Variants in BCAS3 observed in about 807,000 individuals in gnomAD.
The protein encoded by BCAS3 is BCAS4/BCAS3 fusion.
Under a neutral mutation model 116.1 loss-of-function variants are expected in BCAS3, and 53 were observed. The observed-to-expected ratio is 0.46, with a 90% CI of 0.37 to 0.57. The LOEUF is 0.57. Ranked by LOEUF, BCAS3 falls within the 20% of genes least tolerant of loss-of-function variation. The probability of loss-of-function intolerance (pLI) is 0.00; values close to 1 mark genes in which losing one functional copy is unlikely to be tolerated. For synonymous variants in BCAS3, 391 were observed against 408.2 expected, an observed-to-expected ratio of 0.96 and a Z score of 0.51; for missense variants, 917 against 1,165.4, an observed-to-expected ratio of 0.79 and a Z score of 3.10.
intron 7 of BCAS3, among the ~76,000 whole-genome samples, chr17:60,852,075 A>G (rs139360646): frequency 2.5e-4 from 38 of 152,186 alleles, no homozygotes; most frequent in Admixed American, 5.9e-4. Context: ...TTAAATGGCA[A>G]TATGGAGTCA....
chr17:61,085,782 T>TA (rs2073043602), intron 22 of BCAS3, among the ~76,000 whole-genome samples: 1 of 152,240 alleles, frequency 6.6e-6, no homozygotes, highest in South Asian at 2.1e-4. Context: ...ATAGGGAACT[T>TA]AAACAATAAA....
intron 6 of BCAS3, among the ~76,000 whole-genome samples, chr17:60,793,922 C>A (rs971441062): frequency 2.0e-5 from 3 of 152,076 alleles, no homozygotes; most frequent in East Asian, 1.9e-4. Flanking sequence ...TGGGTAGATA[C>A]CCATAGTGAG....
rs751770155 is a variant in BCAS3, at chr17:61,235,191, G to GC, written c.2426-133130dup. On this transcript the variant is annotated intron_variant, in intron 22 of 23. Transcript: ENST00000407086. The surrounding 1 kb of genome is among the most constrained non-coding windows in gnomAD (Gnocchi z 5.0). ...CGTGAACCACCACGCCTGGCTGTCT[G>GC]CCCCCCGCCTGTCCTAAGCACTTTA... Among the ~76,000 whole-genome samples the GC allele has an allele frequency of 2.2e-4, 34 of 152,136 alleles. No individual in the cohort carries two copies. Among genetic ancestry groups the GC allele is most frequent in the African/African-American group, 5.1e-4 (21 of 41,524 alleles).
At chr17:61,270,616 T>C (rs1355846815) in intron 22 of BCAS3, among the ~76,000 whole-genome samples, 1 of 152,240 alleles carries the variant, frequency 6.6e-6, no homozygotes, top group East Asian at 1.9e-4. Context: ...TGTCTACTTT[T>C]GCTTTCATTG....
chr17:60,684,923 G>A lies in BCAS3; in HGVS notation c.138+887G>A, dbSNP rs1366789321. On this transcript the variant is annotated intron_variant, in intron 3 of 23. Coordinates refer to ENST00000407086, the MANE Select transcript of BCAS3 (RefSeq NM_017679.5). ...CCTGAAAAGCTGAGTGGGAAAAAAA[G>A]GAGAAAAGAAACAGTGTTATGGTAA... Among the ~76,000 whole-genome samples the A allele has an allele frequency of 2.0e-5, 3 of 152,078 alleles. No homozygotes were observed. In the East Asian group the frequency reaches 5.8e-4, roughly 29 times the overall value.
At chr17:61,338,971 A>C (rs1193298445) in intron 22 of BCAS3, among the ~76,000 whole-genome samples, 1 of 149,558 alleles carries the variant, frequency 6.7e-6, no homozygotes, top group Non-Finnish European at 1.5e-5. Flanking sequence ...CCTTCATGGC[A>C]GTCAAGTCCC....
chr17:61,084,529 G>A lies in BCAS3; in HGVS notation c.2390G>A (p.Arg797Gln), dbSNP rs1396862585. The change falls in exon 22 of 24, where the codon CGA becomes CAA. Residue 797 changes from arginine (R) to glutamine (Q), a missense_variant. This residue lies in a region of BCAS3 where 807 missense variants were observed against 1,026.0 expected (regional missense o/e 0.79). Coordinates refer to ENST00000407086, the MANE Select transcript of BCAS3 (RefSeq NM_017679.5). The surrounding 1 kb of genome is among the most constrained non-coding windows in gnomAD (Gnocchi z 5.5). Reference sequence around the variant, plus strand: ...GGGTCATCCCGTCCAGTCTCTGATCGAAGGGGAGTTTCCACAGTGATTGAT... The same window carrying A: ...GGGTCATCCCGTCCAGTCTCTGATCAAAGGGGAGTTTCCACAGTGATTGAT... Reference protein sequence around the residue: ...MPGSSRPVSDRRGVSTVIDAA... With the variant: ...MPGSSRPVSDQRGVSTVIDAA... The A allele has an allele frequency of 6.2e-7, 1 of 1,613,992 alleles. No individual in the cohort carries two copies. Among genetic ancestry groups the A allele is most frequent in the African/African-American group, 1.3e-5 (1 of 74,944 alleles).
intron 11 of BCAS3, among the ~76,000 whole-genome samples, chr17:60,903,218 G>A (rs1290903687): frequency 6.6e-6 from 1 of 152,030 alleles, no homozygotes; most frequent in African/African-American, 2.4e-5. Context: ...TCTAATAATA[G>A]GAATGACAGA....
Position 60,938,711 on chromosome 17 carries a change from A to AAGATAGATAGATAGAT in BCAS3, c.1088-8474_1088-8459dup, listed in dbSNP as rs77328962. Among the ~76,000 whole-genome samples the AAGATAGATAGATAGAT allele has an allele frequency of 1.7e-3, 253 of 146,682 alleles. 1 individual carries two copies. Among genetic ancestry groups the AAGATAGATAGATAGAT allele is most frequent in the African/African-American group, 2.7e-3 (108 of 39,684 alleles). ...CAGACTGGGAGAAAATTTCTGATAG[A>AAGATAGATAGATAGAT]AGATAGATAGATAGATAGATAGATA... On this transcript the variant is annotated intron_variant, in intron 13 of 23. Transcript: ENST00000407086.
At chr17:60,697,951 A>G (rs143567566) in intron 4 of BCAS3, among the ~76,000 whole-genome samples, 10,639 of 152,132 alleles carry the variant, frequency 0.07, 1,240 homozygotes, top group African/African-American at 0.24. Context: ...AGGCTGGGGC[A>G]GGCAGATCAC....
chr17:60,825,549 T>TAATAATTTATAAATAA (rs1397684623), intron 7 of BCAS3, among the ~76,000 whole-genome samples: 5 of 119,382 alleles, frequency 4.2e-5, no homozygotes, highest in African/African-American at 2.7e-4. Flanking sequence ...TAAATAATTA[T>TAATAATTTATAAATAA]TTATAATAAT....
intron 19 of BCAS3, among the ~76,000 whole-genome samples, chr17:61,049,985 G>A (rs1415176189): frequency 2.0e-5 from 3 of 151,742 alleles, no homozygotes; most frequent in African/African-American, 4.8e-5. Context: ...CGTCTACCTC[G>A]GCCTCCCAAA....
At chr17:60,821,161 G>T (rs1031689528) in intron 7 of BCAS3, among the ~76,000 whole-genome samples, 2 of 152,074 alleles carry the variant, frequency 1.3e-5, no homozygotes, top group African/African-American at 4.8e-5. Flanking sequence ...TGGCCAGGAT[G>T]GTCTTGAACT....
chr17:60,931,256 A>C (rs2059628282), intron 13 of BCAS3, among the ~76,000 whole-genome samples: 1 of 152,102 alleles, frequency 6.6e-6, no homozygotes, highest in Non-Finnish European at 1.5e-5. Flanking sequence ...GAACTTTAAA[A>C]AAAATTAATA....
At position 61,034,577 on chromosome 17, in the gene BCAS3, G is replaced by A. The variant is rs900343860; in HGVS notation, c.1638-89G>A. The A allele has an allele frequency of 1.6e-5, 19 of 1,194,462 alleles. No homozygotes were observed. The highest frequency in any genetic ancestry group is 2.2e-5 in the Non-Finnish European group (19 of 858,920). 74.0% of individuals were successfully genotyped at this position (1,194,462 alleles called of 1,614,324 possible). On this transcript the variant is annotated intron_variant, in intron 16 of 23. Coordinates refer to ENST00000407086, the MANE Select transcript of BCAS3 (RefSeq NM_017679.5). The surrounding 1 kb of genome is among the most constrained non-coding windows in gnomAD (Gnocchi z 5.0). ...TGTTCATACTGGAGGATTTGAATAG[G>A]GGTGGAATTTAAAGGAAAAACTGTC...
chr17:61,145,819 A>C lies in BCAS3; in HGVS notation c.2425+61255A>C, dbSNP rs2077169743. The stretch of plus-strand genomic sequence containing the variant: ...CCTCTTAACAAGCGTGGACAGAGGA[A>C]GTTTTAGGTTTGATTTGAACTTCAT... On this transcript the variant is annotated intron_variant, in intron 22 of 23. Coordinates refer to ENST00000407086, the MANE Select transcript of BCAS3 (RefSeq NM_017679.5). The surrounding 1 kb of genome is among the most constrained non-coding windows in gnomAD (Gnocchi z 5.0). Among the ~76,000 whole-genome samples, 4 of 151,976 alleles carry C rather than the reference A, an allele frequency of 2.6e-5. No homozygotes were observed. The highest frequency in any genetic ancestry group is 2.6e-4 in the Admixed American group (4 of 15,260).
At chr17:61,182,097 C>T (rs976369161) in intron 22 of BCAS3, among the ~76,000 whole-genome samples, 2 of 152,250 alleles carry the variant, frequency 1.3e-5, no homozygotes, top group South Asian at 2.1e-4. Flanking sequence ...TGGTCTCAAA[C>T]TCCTGGCCTC....
At chr17:60,846,745 G>T (rs887818786) in intron 7 of BCAS3, among the ~76,000 whole-genome samples, 1 of 151,722 alleles carries the variant, frequency 6.6e-6, no homozygotes, top group African/African-American at 2.4e-5. Context: ...TATGAATCTT[G>T]ACAGCCTCCC....
Position 61,367,225 on chromosome 17 carries a change from C to T in BCAS3, c.2426-1102C>T, listed in dbSNP as rs1377851306. Among the ~76,000 whole-genome samples the T allele has an allele frequency of 2.0e-5, 3 of 152,184 alleles. No homozygotes were observed. Among genetic ancestry groups the T allele is most frequent in the Non-Finnish European group, 2.9e-5 (2 of 68,032 alleles). On this transcript the variant is annotated intron_variant, in intron 22 of 23. Coordinates refer to ENST00000407086, the MANE Select transcript of BCAS3 (RefSeq NM_017679.5). The surrounding 1 kb of genome is among the most constrained non-coding windows in gnomAD (Gnocchi z 6.2). ...CATTTGCATTTTTTCCCCATCTTCC[C>T]GATGCTGGCAGGAACCAAGCCCAAT...
Sources: allele counts gnomAD v4.1 joint callset (sites outside exome capture counted in the v4.1 genomes callset), GRCh38; gene constraint gnomAD v4.1.1; regional missense constraint gnomAD v4.1.1; non-coding constraint Gnocchi (gnomAD v3.1); transcripts MANE v1.5; gene names NCBI Gene and HGNC (gene_info 2026-07-23, HGNC 2026-07-21).